Variants in KCNG3 observed in about 807,000 individuals in gnomAD.
KCNG3 encodes potassium voltage-gated channel modifier subfamily G member 3.
Under a neutral mutation model 29.0 loss-of-function variants are expected in KCNG3, and 15 were observed. That is an observed-to-expected ratio of 0.52 (90% confidence interval 0.35 to 0.80). KCNG3 has a LOEUF of 0.80. Ranked by LOEUF, KCNG3 falls within the 30% of genes least tolerant of loss-of-function variation. The pLI, the probability that KCNG3 is intolerant of heterozygous loss-of-function variation, is 0.01. For missense variants in KCNG3, 512 were observed against 605.7 expected (o/e 0.85, Z 1.62); for synonymous variants, 322 against 248.9 (o/e 1.29, Z -2.76).
At chr2:42,489,253 G>A (rs1483581815) in intron 1 of KCNG3, among the ~76,000 whole-genome samples, 1 of 152,034 alleles carries the variant, frequency 6.6e-6, no homozygotes, top group Non-Finnish European at 1.5e-5. Flanking sequence ...CACTGGGCGT[G>A]GTAGCTCATG....
At position 42,493,307 on chromosome 2, in the gene KCNG3, C is replaced by A; in HGVS notation, c.195G>T (p.Arg65=). 6.2e-7 allele frequency: 1 copy of A among 1,610,356 alleles called. No homozygotes were observed. Among genetic ancestry groups the A allele is most frequent in the Non-Finnish European group, 8.5e-7 (1 of 1,178,836 alleles). ...DRERNEYFFD[R]HSEAFGFILL... ...GGATGAAGCCGAAGGCCTCCGAGTG[C>A]CGGTCGAAGAAGTACTCGTTGCGCT... Residue 65 remains arginine, a synonymous_variant, in exon 1 of 2, where the codon CGG becomes CGT. Coordinates refer to ENST00000306078, the MANE Select transcript of KCNG3 (RefSeq NM_133329.6).
the KCNG3 span, among the ~76,000 whole-genome samples, chr2:42,402,168 G>A: frequency 1.1e-4 from 17 of 152,178 alleles, no homozygotes; most frequent in Admixed American, 5.9e-4. Context: ...TCTGTGAGCT[G>A]GGACATCTAC....
intron 1 of KCNG3, among the ~76,000 whole-genome samples, chr2:42,453,585 C>T (rs1436757603): frequency 6.6e-6 from 1 of 152,096 alleles, no homozygotes; most frequent in African/African-American, 2.4e-5. Context: ...GTTGTTTGAG[C>T]TCCTTATACA....
At chr2:42,491,961 C>T (rs1484197178) in intron 1 of KCNG3, among the ~76,000 whole-genome samples, 1 of 152,154 alleles carries the variant, frequency 6.6e-6, no homozygotes, top group Non-Finnish European at 1.5e-5. Context: ...AAAGTCCATC[C>T]TTAGTCTGCT....
chr2:42,462,011 G>A (rs1173832499), intron 1 of KCNG3, among the ~76,000 whole-genome samples: 1 of 152,074 alleles, frequency 6.6e-6, no homozygotes, highest in East Asian at 1.9e-4. Flanking sequence ...TTTATTTTAA[G>A]TGATGTTAAT....
At chr2:42,479,087 T>C (rs1293583427) in intron 1 of KCNG3, among the ~76,000 whole-genome samples, 1 of 152,094 alleles carries the variant, frequency 6.6e-6, no homozygotes, top group Non-Finnish European at 1.5e-5. Flanking sequence ...GTTTCAGATT[T>C]TGGCACGTTT....
the KCNG3 span, among the ~76,000 whole-genome samples, chr2:42,432,378 G>T: frequency 6.6e-6 from 1 of 152,228 alleles, no homozygotes; most frequent in Non-Finnish European, 1.5e-5. Context: ...ACTATGGAAA[G>T]ATAGGATTAA....
rs763357849 is a variant in KCNG3 at position 42,492,884 on chromosome 2, C to A, written c.618G>T (p.Leu206=). The change falls in exon 1 of 2, where the codon CTG becomes CTT. Residue 206 remains leucine (L), a synonymous_variant. Transcript: ENST00000306078. ...CGGCGGAGTACCTGCTCCGGTCATC[C>A]AGGCTGCGGTTGTCGGCGGCTGCGT... ...WRNAAADNRS[L]DDRSRYSAGP... 6.5e-7 allele frequency: 1 copy of A among 1,543,928 alleles called. No individual in the cohort carries two copies. Among genetic ancestry groups the A allele is most frequent in the Non-Finnish European group, 8.7e-7 (1 of 1,151,616 alleles).
intron 1 of KCNG3, among the ~76,000 whole-genome samples, chr2:42,456,921 A>AG (rs1672890563): frequency 6.6e-6 from 1 of 152,212 alleles, no homozygotes; most frequent in Non-Finnish European, 1.5e-5. Flanking sequence ...AATTGGTTAA[A>AG]TAGGAAAAAA....
At chr2:42,405,066 T>G in the KCNG3 span, among the ~76,000 whole-genome samples, 1 of 152,266 alleles carries the variant, frequency 6.6e-6, no homozygotes, top group East Asian at 1.9e-4. Context: ...TAGCAAAATC[T>G]GATTCTCATC....
the KCNG3 span, among the ~76,000 whole-genome samples, chr2:42,434,603 T>C: frequency 6.5e-5 from 9 of 138,186 alleles, no homozygotes; most frequent in South Asian, 1.4e-3. Context: ...GAGACAGAGG[T>C]TGCAGTGAGC....
intron 1 of KCNG3, among the ~76,000 whole-genome samples, chr2:42,475,657 A>G (rs1402833635): frequency 6.6e-6 from 1 of 151,962 alleles, no homozygotes; most frequent in African/African-American, 2.4e-5. Context: ...AAAAAAAAAA[A>G]AAAAAAAATT....
rs1216215381 is a variant in KCNG3, at chr2:42,442,420, C to A, written c.*1514G>T. On this transcript the variant is annotated 3_prime_UTR_variant, in exon 2 of 2. Coordinates refer to ENST00000306078, the MANE Select transcript of KCNG3 (RefSeq NM_133329.6). ...GGTTTCTGGAGATCCAGGTGTTAGCCCTGACTCCTTCACAATTATATTCTC... is the reference window on the plus strand; with the variant it reads ...GGTTTCTGGAGATCCAGGTGTTAGCACTGACTCCTTCACAATTATATTCTC... 2.6e-5 allele frequency: 4 copies of A among 152,140 alleles called. No individual in the cohort carries two copies. Among genetic ancestry groups the A allele is most frequent in the South Asian group, 2.1e-4 (1 of 4,826 alleles). The allele number at this position is 152,140 out of a possible 1,614,324, so 9.4% of individuals were successfully genotyped here.
the KCNG3 span, among the ~76,000 whole-genome samples, chr2:42,393,291 T>A: frequency 3.8e-4 from 56 of 147,354 alleles, no homozygotes; most frequent in African/African-American, 1.1e-3. Context: ...CCAGGCACGG[T>A]GGTTCAGGCC....
rs1674006511 is a variant in KCNG3 at position 42,493,977 on chromosome 2, CAA to C, written c.-478_-477del. On this transcript the variant is annotated 5_prime_UTR_variant, in exon 1 of 2. Transcript: ENST00000306078. ...CCCGCCGCCGTCCAGAGGCGAGAGG[CAA>C]AGTGAGCGGGTTCGGAGGCGGCGAA... The C allele has an allele frequency of 6.5e-6, 1 of 153,340 alleles. No homozygotes were observed. The highest frequency in any genetic ancestry group is 2.1e-4 in the South Asian group (1 of 4,862). 9.5% of individuals were successfully genotyped at this position (153,340 alleles called of 1,614,324 possible).
intron 1 of KCNG3, chr2:42,463,725 G>A (rs1673075332): frequency 1.5e-5 from 3 of 193,644 alleles, no homozygotes; most frequent in Non-Finnish European, 3.2e-5. Context: ...CAGTCCACAT[G>A]CAAGCTGATC....
rs940224002 is a variant in KCNG3, at chr2:42,462,733, T to G, written c.666-18154A>C. Among the ~76,000 whole-genome samples, 3 of 152,294 alleles carry G rather than the reference T, an allele frequency of 2.0e-5. No individual in the cohort carries two copies. The South Asian group carries it at 6.2e-4, about 32-fold the overall frequency. On this transcript the variant is annotated intron_variant, in intron 1 of 1. Coordinates refer to ENST00000306078, the MANE Select transcript of KCNG3 (RefSeq NM_133329.6). ...TTAAAAAGTCTTTGTCAGGTGAATT[T>G]GTACACACCACGAAGCAATGAGCCT...
the KCNG3 span, among the ~76,000 whole-genome samples, chr2:42,390,183 C>T: frequency 6.6e-6 from 1 of 152,124 alleles, no homozygotes; most frequent in Admixed American, 6.6e-5. Context: ...AAAAATTTGG[C>T]CCTTCATTAC....
the KCNG3 span, among the ~76,000 whole-genome samples, chr2:42,389,036 G>A: frequency 6.6e-6 from 1 of 152,104 alleles, no homozygotes; most frequent in Non-Finnish European, 1.5e-5. Context: ...TCCTGTCTCA[G>A]CCTCCCGAGT....
Sources: allele counts gnomAD v4.1 joint callset (sites outside exome capture counted in the v4.1 genomes callset), GRCh38; gene constraint gnomAD v4.1.1; transcripts MANE v1.5; gene names NCBI Gene and HGNC (gene_info 2026-07-23, HGNC 2026-07-21).